The following CD44 variants were observed in gnomAD, a reference collection of about 807,000 sequenced individuals.
CD44 encodes CD44 antigen.
A neutral mutation model predicts 88.8 loss-of-function variants in CD44; 49 were observed. That is an observed-to-expected ratio of 0.55 (90% CI 0.44 to 0.70). CD44 has a LOEUF of 0.70. Among genes scored for constraint, CD44 ranks in the 30% least tolerant of loss-of-function variants. CD44 has a pLI of 0.00. For synonymous variants in CD44, 325 were observed against 312.3 expected, an observed-to-expected ratio of 1.04 and a Z score of -0.43; for missense variants, 883 against 913.8, an observed-to-expected ratio of 0.97 and a Z score of 0.43.
At chr11:35,150,853 C>G (rs769818599) in intron 1 of CD44, among the ~76,000 whole-genome samples, 3 of 152,156 alleles carry the variant, frequency 2.0e-5, no homozygotes, top group Non-Finnish European at 4.4e-5. Context: ...CTCTGTCTCC[C>G]CAGTTATAAG....
chr11:35,214,986 G>C (rs370261808), intron 15 of CD44, 72 bp downstream of exon 15: 1 of 905,054 alleles, frequency 1.1e-6, no homozygotes, highest in African/African-American at 1.7e-5. Context: ...AACGAAGTAT[G>C]AGTCAGTGTC....
intron 3 of CD44, among the ~76,000 whole-genome samples, chr11:35,183,998 T>G (rs765297960): frequency 4.7e-4 from 71 of 152,214 alleles, no homozygotes; most frequent in Non-Finnish European, 9.0e-4. Flanking sequence ...AATGTTTCTC[T>G]TGGTTATTTT....
At chr11:35,195,592 T>C (rs1946661603) in intron 5 of CD44, among the ~76,000 whole-genome samples, 1 of 152,104 alleles carries the variant, frequency 6.6e-6, no homozygotes, top group Non-Finnish European at 1.5e-5. Flanking sequence ...CTAACTCACC[T>C]TACTATTTTG....
intron 11 of CD44, among the ~76,000 whole-genome samples, chr11:35,206,659 TG>T (rs1947873372): frequency 2.4e-5 from 1 of 42,260 alleles, no homozygotes; most frequent in Non-Finnish European, 4.6e-5. Context: ...AAGTGGGTGG[TG>T]GGGGTTGGTG....
chr11:35,148,539 T>A (rs1435429198), intron 1 of CD44, among the ~76,000 whole-genome samples: 2 of 152,248 alleles, frequency 1.3e-5, no homozygotes, highest in Non-Finnish European at 2.9e-5. Context: ...TTAAGTGACT[T>A]GCTTTCTCCT....
In CD44 at chr11:35,145,907, A is replaced by G. The variant is rs1479958996; in HGVS notation, c.67+6537A>G. 3.9e-5 allele frequency among the ~76,000 whole-genome samples: 6 copies of G among 152,302 alleles called. No individual in the cohort carries two copies. The East Asian group carries it at 1.2e-3, about 29-fold the overall frequency. ...TAGGGAATCCTGACATCCGACGGGG[A>G]GCCACTTTGGCAATGGCAAACGGTG... On this transcript the variant is annotated intron_variant, in intron 1 of 17. Coordinates refer to ENST00000428726, the MANE Select transcript of CD44 (RefSeq NM_000610.4).
chr11:35,213,955 A>G (rs983783459), intron 14 of CD44: 2 of 152,100 alleles, frequency 1.3e-5, no homozygotes, highest in Non-Finnish European at 2.9e-5. Context: ...TGCCTTCATA[A>G]TGGATAACTG....
intron 10 of CD44, chr11:35,205,827 T>C: frequency 9.5e-7 from 1 of 1,049,990 alleles, no homozygotes; most frequent in Non-Finnish European, 1.1e-6. Context: ...TACTTCTCCT[T>C]CATCTTCCTT....
intron 1 of CD44, among the ~76,000 whole-genome samples, chr11:35,173,059 C>A (rs1944082517): frequency 6.6e-6 from 1 of 152,246 alleles, no homozygotes; most frequent in Non-Finnish European, 1.5e-5. Context: ...ATTGGTTCCT[C>A]TTACATTTGC....
Position 35,186,919 on chromosome 11 carries a change from C to G in CD44, c.436+19C>G, listed in dbSNP as rs748532837. On this transcript the variant is annotated intron_variant, in intron 4 of 17. Coordinates refer to ENST00000428726, the MANE Select transcript of CD44 (RefSeq NM_000610.4). ...ACCATAAGTATGTCTCTCTTCTAAT[C>G]TTAATTAAATTTTCCTATTTTGGGG... The G allele has an allele frequency of 1.3e-6, 2 of 1,494,666 alleles. No individual in the cohort carries two copies. The highest frequency in any genetic ancestry group is 1.9e-6 in the Non-Finnish European group (2 of 1,071,528). 92.6% of individuals were successfully genotyped at this position (1,494,666 alleles called of 1,614,324 possible).
chr11:35,194,364 T>C (rs1946538807), intron 5 of CD44, among the ~76,000 whole-genome samples: 1 of 152,226 alleles, frequency 6.6e-6, no homozygotes, highest in Admixed American at 6.5e-5. Flanking sequence ...TAGGCAGAAC[T>C]GAAAGTAAAG....
chr11:35,214,626 G>T (rs868514952), intron 14 of CD44: 94 of 380,814 alleles, frequency 2.5e-4, no homozygotes, highest in African/African-American at 1.7e-3. Flanking sequence ...TGCTGCCCCA[G>T]TTTCCTTAAT....
rs1354886860 is a variant in CD44, at chr11:35,198,136, C to A, written c.812C>A (p.Thr271Asn). The change falls in exon 7 of 18, where the codon ACC (threonine) becomes AAC (asparagine). Residue 271 changes from threonine to asparagine, a missense_variant. This residue lies in a region of CD44 where 631 missense variants were observed against 590.9 expected (regional missense o/e 1.07). Transcript: ENST00000428726. ...ACCACAACAGGTACGTCTTCAAATA[C>A]CATCTCAGCAGGCTGGGAGCCAAAT... Reference protein sequence around the residue: ...TTQMAGTSSNTISAGWEPNEE... With the variant: ...TTQMAGTSSNNISAGWEPNEE... 6.2e-7 allele frequency: 1 copy of A among 1,613,700 alleles called. No individual in the cohort carries two copies. The highest frequency in any genetic ancestry group is 2.2e-5 in the East Asian group (1 of 44,854).
At chr11:35,160,061 G>C (rs1301248779) in intron 1 of CD44, among the ~76,000 whole-genome samples, 1 of 152,172 alleles carries the variant, frequency 6.6e-6, no homozygotes, top group Non-Finnish European at 1.5e-5. Context: ...GGGCCTCCAA[G>C]GCCATCAAAG....
rs568952526 is a variant in CD44, at chr11:35,220,730, C to A, written c.1946-924C>A. Among the ~76,000 whole-genome samples the A allele has an allele frequency of 3.3e-5, 5 of 150,478 alleles. No homozygotes were observed. The South Asian group carries it at 6.3e-4, about 19-fold the overall frequency. ...ATCAATTATTATCAATCTCACCATC[C>A]AGAAATACCATGGTTACCATTTTAA... On this transcript the variant is annotated intron_variant, in intron 16 of 17. Coordinates refer to ENST00000428726, the MANE Select transcript of CD44 (RefSeq NM_000610.4).
In CD44 at chr11:35,226,880, C is replaced by CTTT. The variant is rs367551052; in HGVS notation, c.2025-2229_2025-2227dup. On this transcript the variant is annotated intron_variant, in intron 17 of 17. Coordinates refer to ENST00000428726, the MANE Select transcript of CD44 (RefSeq NM_000610.4). ...AGCCCCTTTTCTTCTTTCTTTTTTC[C>CTTT]TTTTTTTTTTTTTTTTTTTTTTGAG... is the stretch of plus-strand genomic sequence containing the variant. Among the ~76,000 whole-genome samples the CTTT allele has an allele frequency of 2.3e-3, 239 of 106,176 alleles. 4 individuals are homozygous for CTTT. The highest frequency in any genetic ancestry group is 6.7e-3 in the African/African-American group (165 of 24,562). 69.7% of individuals were successfully genotyped at this position (106,176 alleles called of 152,430 possible).
chr11:35,161,432 G>A (rs118189858), intron 1 of CD44, among the ~76,000 whole-genome samples: 49 of 152,274 alleles, frequency 3.2e-4, no homozygotes, highest in Non-Finnish European at 6.3e-4. Context: ...AATACAATGA[G>A]GGTAAATCCT....
intron 5 of CD44, among the ~76,000 whole-genome samples, chr11:35,192,859 G>C (rs1056183926): frequency 1.3e-5 from 2 of 148,642 alleles, no homozygotes; most frequent in Non-Finnish European, 3.0e-5. Context: ...AATTCTGCTG[G>C]CTAGGCAGTA....
Position 35,208,206 on chromosome 11 carries a change from C to T in CD44, c.1516C>T (p.Gln506Ter), listed in dbSNP as rs1232065392. ...GACAGGACCTCTTTCAATGACAACG[C>T]GTAAGAATAACGATGCTCAGCCACT... The part of the protein sequence containing the change: ...DRTGPLSMTT[Q>*]QSNSQSFSTS... The change falls in exon 12 of 18, where the codon CAG becomes TAG. Residue 506 changes from glutamine (Q) to a stop codon, truncating the protein, a stop_gained and splice_region_variant. Transcript: ENST00000428726. LOFTEE classifies it high-confidence loss of function. 1 of 1,599,226 alleles carries T rather than the reference C, an allele frequency of 6.3e-7. No individual in the cohort carries two copies. The highest frequency in any genetic ancestry group is 8.6e-7 in the Non-Finnish European group (1 of 1,166,612).
Sources: allele counts gnomAD v4.1 joint callset (sites outside exome capture counted in the v4.1 genomes callset), GRCh38; gene constraint gnomAD v4.1.1; regional missense constraint gnomAD v4.1.1; transcripts MANE v1.5; gene names NCBI Gene and HGNC (gene_info 2026-07-23, HGNC 2026-07-21).